Variants in ATAD3C observed in about 807,000 individuals in gnomAD.
ATAD3C encodes the protein ATPase family AAA domain-containing protein 3C.
In ATAD3C, 38 loss-of-function variants were observed where a neutral mutation model predicts 46.3. That is an observed-to-expected ratio of 0.82 (90% CI 0.63 to 1.08). The LOEUF (loss-of-function observed/expected upper bound fraction) is 1.08. Among genes scored for constraint, ATAD3C ranks in the 50% least tolerant of loss-of-function variants. The probability of loss-of-function intolerance (pLI) is 0.00; values close to 1 mark genes in which losing one functional copy is unlikely to be tolerated. For synonymous variants in ATAD3C, 220 were observed against 236.4 expected, an observed-to-expected ratio of 0.93 and a Z score of 0.63; for missense variants, 563 against 572.7, an observed-to-expected ratio of 0.98 and a Z score of 0.17.
At chr1:1,456,772 C>T (rs894346561) in intron 7 of ATAD3C, among the ~76,000 whole-genome samples, 40 of 150,752 alleles carry the variant, frequency 2.7e-4, no homozygotes, top group Non-Finnish European at 3.8e-4. Context: ...AGTGACCCCG[C>T]GCAGGGCACA....
At chr1:1,454,614 G>A in intron 4 of ATAD3C, 114 bp downstream of exon 4, 1 of 1,452,100 alleles carries the variant, frequency 6.9e-7, no homozygotes, top group Admixed American at 2.4e-5. Context: ...CGGATAACAG[G>A]CACCCGCACG....
intron 3 of ATAD3C, among the ~76,000 whole-genome samples, chr1:1,453,492 A>G (rs1208862126): frequency 6.6e-6 from 1 of 151,878 alleles, no homozygotes; most frequent in Non-Finnish European, 1.5e-5. Flanking sequence ...GTGTACCACC[A>G]TGCCCGGCCA....
At position 1,452,151 on chromosome 1, in the gene ATAD3C, G is replaced by A. The variant is rs190809355; in HGVS notation, c.152+29G>A. 1.8e-4 allele frequency: 297 copies of A among 1,610,014 alleles called. 1 individual carries two copies. In the African/African-American group the frequency reaches 3.0e-3, roughly 16 times the overall value. ...AGCGCTGCCGAGGCCCGGGCCGGCC[G>A]CAGATGGAGCCCCCACAGGTGTGAG... On this transcript the variant is annotated intron_variant, in intron 2 of 11. Coordinates refer to ENST00000378785, the MANE Select transcript of ATAD3C (RefSeq NM_001039211.3).
intron 1 of ATAD3C, among the ~76,000 whole-genome samples, chr1:1,450,997 G>A (rs966843957): frequency 3.3e-5 from 5 of 151,936 alleles, no homozygotes; most frequent in African/African-American, 1.2e-4. Flanking sequence ...CGTCCTGAGG[G>A]CCTGGATCTT....
At chr1:1,454,619 C>A in intron 4 of ATAD3C, 119 bp downstream of exon 4, 2 of 1,448,598 alleles carry the variant, frequency 1.4e-6, no homozygotes, top group South Asian at 1.4e-5. Context: ...AACAGGCACC[C>A]GCACGCTGCT....
chr1:1,452,049 C>T lies in ATAD3C; in HGVS notation c.79C>T (p.Leu27Phe). ...QLEQQSKLKQ[L>F]VNEDLRKQEE... is the part of the protein sequence containing the mutation. ...TTTTTCTGCGGCTTCTTCTCAGCAA[C>T]TTGTCAATGAGGATTTACGGAAGCA... The change falls in exon 2 of 12, where the codon CTT becomes TTT. Residue 27 changes from leucine (L) to phenylalanine (F), a missense_variant. Coordinates refer to ENST00000378785, the MANE Select transcript of ATAD3C (RefSeq NM_001039211.3). 6.2e-7 allele frequency: 1 copy of T among 1,613,582 alleles called. No homozygotes were observed. The highest frequency in any genetic ancestry group is 8.5e-7 in the Non-Finnish European group (1 of 1,179,604).
At chr1:1,452,338 C>T in intron 2 of ATAD3C, 27 bp from the exon 3 acceptor site, 11 of 1,613,682 alleles carry the variant, frequency 6.8e-6, no homozygotes, top group Non-Finnish European at 8.5e-6. Flanking sequence ...TGTTTCCCTC[C>T]TGGTCACACC....
chr1:1,457,631 T>A (rs1456501884), intron 8 of ATAD3C, among the ~76,000 whole-genome samples: 1 of 149,998 alleles, frequency 6.7e-6, no homozygotes, highest in Non-Finnish European at 1.5e-5. Context: ...AAACAGCATT[T>A]TTTTAGGTCA....
intron 11 of ATAD3C, among the ~76,000 whole-genome samples, chr1:1,463,404 G>C (rs1639101122): frequency 1.3e-5 from 2 of 152,114 alleles, no homozygotes; most frequent in Non-Finnish European, 2.9e-5. Context: ...ACTCGATCTA[G>C]CAGCACATTA....
At position 1,459,871 on chromosome 1, in the gene ATAD3C, G is replaced by A. The variant is rs201940130; in HGVS notation, c.812+640G>A. Among the ~76,000 whole-genome samples, 28 of 151,924 alleles carry A rather than the reference G, an allele frequency of 1.8e-4. 1 individual carries two copies. Among genetic ancestry groups the A allele is most frequent in the Admixed American group, 6.6e-5 (1 of 15,222 alleles). The stretch of plus-strand genomic sequence containing the variant: ...CCTGGGTCCCTCCAGCCCCAGTCAC[G>A]TGTCACATGGAGGATCAAGTCCTGC... On this transcript the variant is annotated intron_variant, in intron 9 of 11. Coordinates refer to ENST00000378785, the MANE Select transcript of ATAD3C (RefSeq NM_001039211.3). This position sits in a 1 kb window ranked among gnomAD's most constrained non-coding sequence, Gnocchi z 4.9.
intron 10 of ATAD3C, among the ~76,000 whole-genome samples, chr1:1,461,758 G>A (rs184445015): frequency 3.3e-4 from 50 of 149,638 alleles, no homozygotes; most frequent in South Asian, 3.0e-3. Context: ...AGACCCCCAT[G>A]TCGGGACTAG....
intron 11 of ATAD3C, among the ~76,000 whole-genome samples, chr1:1,464,170 G>C (rs890594674): frequency 6.7e-6 from 1 of 148,448 alleles, no homozygotes; most frequent in African/African-American, 2.5e-5. Context: ...TCGTGCCACT[G>C]TACTTCAGCC....
At chr1:1,451,840 A>G (rs939743909) in intron 1 of ATAD3C, among the ~76,000 whole-genome samples, 13 of 151,536 alleles carry the variant, frequency 8.6e-5, no homozygotes, top group African/African-American at 3.2e-4. Context: ...GCCGCTGGGG[A>G]GTTTGGGCCC....
chr1:1,461,344 C>G (rs1009073481), intron 10 of ATAD3C, among the ~76,000 whole-genome samples: 1 of 149,992 alleles, frequency 6.7e-6, no homozygotes, highest in Admixed American at 6.6e-5. Flanking sequence ...CCCACGACCA[C>G]GTCTGGCTAC....
chr1:1,466,806 C>T (rs1236108192), intron 11 of ATAD3C, among the ~76,000 whole-genome samples: 1 of 151,852 alleles, frequency 6.6e-6, no homozygotes, highest in African/African-American at 2.4e-5. Context: ...CAACGATGCT[C>T]ATCAGGGATA....
chr1:1,457,596 A>T (rs1361038547), intron 8 of ATAD3C, among the ~76,000 whole-genome samples: 1 of 113,170 alleles, frequency 8.8e-6, no homozygotes, highest in Admixed American at 9.5e-5. Flanking sequence ...ACTTCATCTC[A>T]AAAAAAAAAA....
At chr1:1,461,768 G>A (rs1241640504) in intron 10 of ATAD3C, among the ~76,000 whole-genome samples, 1 of 152,044 alleles carries the variant, frequency 6.6e-6, no homozygotes, top group Non-Finnish European at 1.5e-5. Flanking sequence ...GTCGGGACTA[G>A]AGGGAGAGGC....
rs1638825261 is a variant in ATAD3C at position 1,449,888 on chromosome 1, C to T, written c.-796C>T. The T allele has an allele frequency of 6.6e-6, 1 of 152,088 alleles. No individual in the cohort carries two copies. Among genetic ancestry groups the T allele is most frequent in the South Asian group, 2.1e-4 (1 of 4,816 alleles). 9.4% of individuals were successfully genotyped at this position (152,088 alleles called of 1,614,324 possible). On this transcript the variant is annotated 5_prime_UTR_variant, in exon 1 of 12. Transcript: ENST00000378785. ...AACATTGACCTGTGTCGGTTCCCCACTAGGAACAAAATGTAACTGAGGACG... is the reference window on the plus strand; with the variant it reads ...AACATTGACCTGTGTCGGTTCCCCATTAGGAACAAAATGTAACTGAGGACG...
In ATAD3C at chr1:1,455,767, C is replaced by T. The variant is rs896023604; in HGVS notation, c.439-24C>T. The T allele has an allele frequency of 6.8e-6, 11 of 1,612,632 alleles. 1 individual carries two copies. Among genetic ancestry groups the T allele is most frequent in the Non-Finnish European group, 9.3e-6 (11 of 1,179,496 alleles). ...CTTCTGTGGGTGCAGACTGTGTCCT[C>T]CAAGCCCCTGTCTTCCTCGGCAGCC... On this transcript the variant is annotated intron_variant, in intron 5 of 11. Transcript: ENST00000378785.
Sources: gnomAD v4.1 joint callset for allele counts (sites outside exome capture counted in the v4.1 genomes callset) on GRCh38, gnomAD v4.1.1 for gene constraint, Gnocchi (gnomAD v3.1) non-coding constraint, MANE v1.5 for transcripts, NCBI Gene and HGNC (gene_info 2026-07-23, HGNC 2026-07-21) for gene names.